Variants in GALNT6 observed in about 807,000 individuals in gnomAD.
GALNT6 encodes polypeptide N-acetylgalactosaminyltransferase 6.
A neutral mutation model predicts 65.9 loss-of-function variants in GALNT6; 51 were observed. That is an observed-to-expected ratio of 0.77 (90% CI 0.62 to 0.98). The LOEUF (loss-of-function observed/expected upper bound fraction) is 0.98. Among genes scored for constraint, GALNT6 ranks in the 50% least tolerant of loss-of-function variants. The pLI is 0.00. For synonymous variants in GALNT6, 323 were observed against 315.1 expected (o/e 1.02, Z -0.26); for missense variants, 708 against 803.3 (o/e 0.88, Z 1.43).
intron 4 of GALNT6, among the ~76,000 whole-genome samples, chr12:51,375,349 T>C (rs2137699122): frequency 6.6e-6 from 1 of 152,260 alleles, no homozygotes; most frequent in East Asian, 1.9e-4. Flanking sequence ...CCAGCTCCAA[T>C]CTGGCTTCCA....
rs748890019 is a variant in GALNT6 at position 51,354,407 on chromosome 12, T to C, written c.1841A>G (p.Asp614Gly). The change falls in exon 12 of 12, where the codon GAC (aspartate) becomes GGC (glycine). Residue 614 changes from aspartate (D) to glycine (G), a missense_variant. Coordinates refer to ENST00000356317, the MANE Select transcript of GALNT6 (RefSeq NM_007210.4). ...GACAAAGAGCCACAACTGATGGGGG[T>C]CACTGGGATTGCAGGGGGCCATGGC... is the stretch of plus-strand genomic sequence containing the variant. ...KPAMAPCNPS[D>G]PHQLWLFV 3.2e-6 allele frequency: 5 copies of C among 1,581,080 alleles called. No homozygotes were observed. The highest frequency in any genetic ancestry group is 4.3e-6 in the Non-Finnish European group (5 of 1,167,118).
At chr12:51,369,209 G>A (rs1020858263) in intron 4 of GALNT6, among the ~76,000 whole-genome samples, 4 of 152,302 alleles carry the variant, frequency 2.6e-5, no homozygotes, top group Admixed American at 2.0e-4. Context: ...CTCAGGGGGG[G>A]CCCCGAGCAC....
At chr12:51,381,219 G>A (rs761622589) in intron 2 of GALNT6, among the ~76,000 whole-genome samples, 17 of 152,176 alleles carry the variant, frequency 1.1e-4, no homozygotes, top group South Asian at 6.2e-4. Context: ...CAGCATGGGC[G>A]AGAGAGAGAT....
chr12:51,358,552 C>A (rs1021344325), intron 8 of GALNT6, among the ~76,000 whole-genome samples: 1 of 152,158 alleles, frequency 6.6e-6, no homozygotes, highest in Non-Finnish European at 1.5e-5. Flanking sequence ...CTGCCCGCCT[C>A]GGCCTCCCTA....
At position 51,377,214 on chromosome 12, in the gene GALNT6, C is replaced by T. The variant is rs570091590; in HGVS notation, c.645G>A (p.Val215=). The part of the protein sequence containing the change: ...PAILLKEIIL[V]DDASTEEHLK... ...CCTCACCCTCTGTGCTGGCATCATC[C>T]ACCAGTATGATCTCCTTGAGCAAGA... The change falls in exon 4 of 12, where the codon GTG becomes GTA. Residue 215 remains valine (V), a synonymous_variant. Coordinates refer to ENST00000356317, the MANE Select transcript of GALNT6 (RefSeq NM_007210.4). 6 of 1,613,736 alleles carry T rather than the reference C, an allele frequency of 3.7e-6. No homozygotes were observed. In the South Asian group the frequency reaches 6.6e-5, roughly 18 times the overall value.
chr12:51,370,469 A>G (rs184112474), intron 4 of GALNT6, among the ~76,000 whole-genome samples: 1 of 152,334 alleles, frequency 6.6e-6, no homozygotes, highest in Admixed American at 6.5e-5. Flanking sequence ...CAGGAGGTGG[A>G]GGTTGCGGTG....
In GALNT6 at chr12:51,363,201, G is replaced by A. The variant is rs147702571; in HGVS notation, c.1049+920C>T. Among the ~76,000 whole-genome samples, 16 of 152,274 alleles carry A rather than the reference G, an allele frequency of 1.1e-4. 1 individual carries two copies. In the East Asian group the frequency reaches 2.7e-3, roughly 26 times the overall value. On this transcript the variant is annotated intron_variant, in intron 6 of 11. Coordinates refer to ENST00000356317, the MANE Select transcript of GALNT6 (RefSeq NM_007210.4). ...TGACACAAATAATCCCAAACCACAG[G>A]CTACACTAAAAGTCACTCCTCAACT... is the stretch of plus-strand genomic sequence containing the variant.
intron 4 of GALNT6, among the ~76,000 whole-genome samples, chr12:51,369,815 C>T (rs1370643555): frequency 3.9e-5 from 6 of 152,146 alleles, no homozygotes; most frequent in Non-Finnish European, 8.8e-5. Context: ...ATCAGCACAT[C>T]TGCAGGTACT....
intron 11 of GALNT6, among the ~76,000 whole-genome samples, chr12:51,354,749 A>G (rs1032810269): frequency 2.0e-5 from 3 of 152,114 alleles, no homozygotes; most frequent in African/African-American, 7.2e-5. Context: ...GCTGAGAGAA[A>G]AATGCTTTCA....
chr12:51,365,141 G>A (rs1441804870), intron 5 of GALNT6, among the ~76,000 whole-genome samples: 2 of 152,192 alleles, frequency 1.3e-5, no homozygotes, highest in African/African-American at 4.8e-5. Flanking sequence ...CTCAGAGCAA[G>A]GTGCAGATGG....
At chr12:51,384,831 G>C (rs1947780661) in intron 2 of GALNT6, among the ~76,000 whole-genome samples, 2 of 152,070 alleles carry the variant, frequency 1.3e-5, no homozygotes, top group South Asian at 4.1e-4. Context: ...GCTGTAGTTA[G>C]TTATGATCAT....
chr12:51,386,299 C>G lies in GALNT6; in HGVS notation c.-104+4551G>C, dbSNP rs560346852. ...AGACCACTACTCTGTTTACCACACTCATACCCGTGGAGGTTGAGTAGGGAA... is the reference window on the plus strand; with the variant it reads ...AGACCACTACTCTGTTTACCACACTGATACCCGTGGAGGTTGAGTAGGGAA... On this transcript the variant is annotated intron_variant, in intron 2 of 11. Transcript: ENST00000356317. 2.0e-5 allele frequency among the ~76,000 whole-genome samples: 3 copies of G among 152,358 alleles called. No homozygotes were observed. The South Asian group carries it at 6.2e-4, about 32-fold the overall frequency.
chr12:51,361,135 C>A (rs1390523526), intron 6 of GALNT6, among the ~76,000 whole-genome samples: 3 of 152,212 alleles, frequency 2.0e-5, no homozygotes, highest in Non-Finnish European at 4.4e-5. Flanking sequence ...ATGATGGACA[C>A]ACAGAACGGA....
chr12:51,367,819 C>T (rs902468781), intron 4 of GALNT6, among the ~76,000 whole-genome samples: 2 of 152,152 alleles, frequency 1.3e-5, no homozygotes, highest in Non-Finnish European at 2.9e-5. Context: ...ATGGTGACTT[C>T]TTTATTTAAT....
chr12:51,388,830 T>C (rs1318523047), intron 2 of GALNT6, among the ~76,000 whole-genome samples: 1 of 152,230 alleles, frequency 6.6e-6, no homozygotes, highest in Non-Finnish European at 1.5e-5. Context: ...GCTATTTTGC[T>C]AGTCTGTTCT....
chr12:51,362,636 G>A (rs1946959205), intron 6 of GALNT6, among the ~76,000 whole-genome samples: 1 of 152,010 alleles, frequency 6.6e-6, no homozygotes, highest in African/African-American at 2.4e-5. Flanking sequence ...TCACTGGCAT[G>A]GGGGTGGGGG....
intron 5 of GALNT6, among the ~76,000 whole-genome samples, chr12:51,365,041 A>G (rs1014617537): frequency 2.0e-5 from 3 of 152,116 alleles, no homozygotes; most frequent in Non-Finnish European, 1.5e-5. Flanking sequence ...TTTGGGCAAG[A>G]AGGAGGCCTT....
In GALNT6 at chr12:51,379,671, G is replaced by T. The variant is rs144049708; in HGVS notation, c.111C>A (p.Ala37=). 2.5e-6 allele frequency: 4 copies of T among 1,614,030 alleles called. No individual in the cohort carries two copies. The African/African-American group carries it at 5.3e-5, about 22-fold the overall frequency. Residue 37 remains alanine, a synonymous_variant, in exon 3 of 12, where the codon GCC becomes GCA. Transcript: ENST00000356317. ...GGGACTTCAGCCACGGCTTCTCTGTGGCCTCCTCTCTGCTGCTCACATCCC... is the reference window on the plus strand; with the variant it reads ...GGGACTTCAGCCACGGCTTCTCTGTTGCCTCCTCTCTGCTGCTCACATCCC... ...LHRDVSSREE[A]TEKPWLKSLV...
In GALNT6 at chr12:51,364,375, G is replaced by C; in HGVS notation, c.815-20C>G. 1 of 1,571,798 alleles carries C rather than the reference G, an allele frequency of 6.4e-7. No individual in the cohort carries two copies. Among genetic ancestry groups the C allele is most frequent in the Non-Finnish European group, 8.8e-7 (1 of 1,141,708 alleles). On this transcript the variant is annotated intron_variant, in intron 5 of 11. Coordinates refer to ENST00000356317, the MANE Select transcript of GALNT6 (RefSeq NM_007210.4). ...ACTCACCTGCAGGCCCCAACCAGGA[G>C]GCAGCAGTCAGGGCCCTGCCCACAG...
Sources: allele counts gnomAD v4.1 joint callset (sites outside exome capture counted in the v4.1 genomes callset), GRCh38; gene constraint gnomAD v4.1.1; transcripts MANE v1.5; gene names NCBI Gene and HGNC (gene_info 2026-07-23, HGNC 2026-07-21).